Variants in UAP1 observed in about 807,000 individuals in gnomAD.
UAP1 encodes UDP-N-acetylglucosamine pyrophosphorylase 1, also known as UDP-N-acetylhexosamine pyrophosphorylase.
A neutral mutation model predicts 58.5 loss-of-function variants in UAP1; 25 were observed. The observed-to-expected ratio is 0.43, with a 90% confidence interval of 0.31 to 0.60. UAP1 has a LOEUF of 0.60. UAP1 is among the 20% of genes least tolerant of loss of function. The pLI, the probability that UAP1 is intolerant of heterozygous loss-of-function variation, is 0.11. For synonymous variants in UAP1, 208 were observed against 213.0 expected (o/e 0.98, Z 0.21); for missense variants, 575 against 630.0 (o/e 0.91, Z 0.93).
intron 2 of UAP1, among the ~76,000 whole-genome samples, chr1:162,572,828 G>C (rs1653950038): frequency 6.6e-6 from 1 of 152,148 alleles, no homozygotes; most frequent in Non-Finnish European, 1.5e-5. Flanking sequence ...ATAGGGTGCT[G>C]TTTCATATCT....
At chr1:162,575,616 GA>G (rs1310713592) in intron 2 of UAP1, among the ~76,000 whole-genome samples, 1 of 152,054 alleles carries the variant, frequency 6.6e-6, no homozygotes, top group Admixed American at 6.6e-5. Flanking sequence ...ATTTTTAGTA[GA>G]GATGGAGTTT....
chr1:162,567,141 A>G (rs1334528362), intron 2 of UAP1, among the ~76,000 whole-genome samples: 1 of 152,212 alleles, frequency 6.6e-6, no homozygotes, highest in African/African-American at 2.4e-5. Context: ...TGTGCAGTGC[A>G]GTAGTTCTGC....
At chr1:162,563,467 C>T (rs1653295435) in intron 1 of UAP1, among the ~76,000 whole-genome samples, 2 of 152,022 alleles carry the variant, frequency 1.3e-5, no homozygotes, top group Non-Finnish European at 2.9e-5. Flanking sequence ...CCGGTTCAGG[C>T]GATTCTCCTG....
chr1:162,565,443 G>T lies in UAP1; in HGVS notation c.-57-569G>T, dbSNP rs534652043. Among the ~76,000 whole-genome samples, 3 of 152,268 alleles carry T rather than the reference G, an allele frequency of 2.0e-5. No individual in the cohort carries two copies. The South Asian group carries it at 6.2e-4, about 32-fold the overall frequency. On this transcript the variant is annotated intron_variant, in intron 1 of 10. Coordinates refer to ENST00000271469, the Ensembl canonical transcript of UAP1. The stretch of plus-strand genomic sequence containing the variant: ...GAGTAGAGAAAATAGATGTGTTATT[G>T]CTTCTTTGCAGAAGTTGCTAATGAA...
chr1:162,598,144 A>G (rs1435136517), intron 10 of UAP1, among the ~76,000 whole-genome samples: 1 of 152,110 alleles, frequency 6.6e-6, no homozygotes, highest in Non-Finnish European at 1.5e-5. Context: ...AGGCAAGAGG[A>G]TTGCTTGAGC....
At chr1:162,595,032 G>A (rs898288470) in intron 9 of UAP1, among the ~76,000 whole-genome samples, 11 of 152,194 alleles carry the variant, frequency 7.2e-5, no homozygotes, top group Admixed American at 2.0e-4. Context: ...ACCATGCTGA[G>A]TTTTGACTCG....
At chr1:162,571,120 A>AT (rs969292749) in intron 2 of UAP1, among the ~76,000 whole-genome samples, 3 of 95,792 alleles carry the variant, frequency 3.1e-5, no homozygotes, top group Non-Finnish European at 4.3e-5. Context: ...CTAACTTCTG[A>AT]TTTTTTTGTT....
chr1:162,576,665 C>G, intron 2 of UAP1, 112 bp from the exon 3 acceptor site: 1 of 1,005,638 alleles, frequency 9.9e-7, no homozygotes, highest in Non-Finnish European at 1.5e-6. Context: ...CAGGACAAGA[C>G]AGCTGTATAG....
chr1:162,578,909 A>G (rs1654377672), intron 3 of UAP1, among the ~76,000 whole-genome samples: 1 of 152,196 alleles, frequency 6.6e-6, no homozygotes, highest in South Asian at 2.1e-4. Flanking sequence ...TAGTTTTAGA[A>G]ATAATTTTTT....
In UAP1 at chr1:162,569,231, A is replaced by G. The variant is rs547940951; in HGVS notation, c.280+2883A>G. Among the ~76,000 whole-genome samples the G allele has an allele frequency of 5.3e-5, 8 of 152,336 alleles. 2 individuals carry two copies. Among genetic ancestry groups the G allele is most frequent in the Admixed American group, 5.2e-4 (8 of 15,302 alleles). ...TTCAGGTAGTAGGAAGATCCTGGTA[A>G]TTGTATCAGGGACAGTTTTTACTTC... On this transcript the variant is annotated intron_variant, in intron 2 of 10. Transcript: ENST00000271469.
intron 5 of UAP1, among the ~76,000 whole-genome samples, chr1:162,585,745 G>C (rs1414401901): frequency 6.6e-6 from 1 of 150,984 alleles, no homozygotes; most frequent in Non-Finnish European, 1.5e-5. Context: ...TTGGGAGTAG[G>C]AGTATATAGT....
At chr1:162,566,737 C>T (rs1451187389) in intron 2 of UAP1, among the ~76,000 whole-genome samples, 4 of 152,086 alleles carry the variant, frequency 2.6e-5, no homozygotes, top group Non-Finnish European at 5.9e-5. Flanking sequence ...AGTGATTCTC[C>T]TGCCTCAGCC....
At chr1:162,566,486 CTT>C in intron 2 of UAP1, 138 bp downstream of exon 2, 1 of 913,866 alleles carries the variant, frequency 1.1e-6, no homozygotes, top group Admixed American at 3.2e-5. Context: ...ACAAAATTGT[CTT>C]TTTATTTTTG....
At chr1:162,590,104 A>C (rs1457046889) in intron 7 of UAP1, among the ~76,000 whole-genome samples, 1 of 151,008 alleles carries the variant, frequency 6.6e-6, no homozygotes, top group Non-Finnish European at 1.5e-5. Flanking sequence ...CCGACTTAAG[A>C]TGAACTGTTC....
chr1:162,577,020 T>C (rs1325762318), intron 3 of UAP1, 39 bp downstream of exon 3: 7 of 1,579,058 alleles, frequency 4.4e-6, no homozygotes, highest in African/African-American at 2.7e-5. Context: ...TCTGAACATA[T>C]ATTGTTTTAT....
chr1:162,581,274 T>A lies in UAP1; in HGVS notation c.662-13T>A. 1 of 1,606,208 alleles carries A rather than the reference T, an allele frequency of 6.2e-7. No homozygotes were observed. Among genetic ancestry groups the A allele is most frequent in the Non-Finnish European group, 8.5e-7 (1 of 1,175,062 alleles). On this transcript the variant is annotated splice_polypyrimidine_tract_variant and intron_variant, in intron 4 of 10. Coordinates refer to ENST00000271469, the Ensembl canonical transcript of UAP1. ...ATTTTGATATGCTACTAATGGGCTA[T>A]TTTGTTTTCCAGATGGGAATGGTGG...
chr1:162,596,680 G>C (rs1323548277), intron 9 of UAP1, among the ~76,000 whole-genome samples: 3 of 152,184 alleles, frequency 2.0e-5, no homozygotes, highest in Non-Finnish European at 4.4e-5. Context: ...AAGTAGGATA[G>C]AGAGTGCTTT....
chr1:162,568,728 C>T (rs1653679492), intron 2 of UAP1, among the ~76,000 whole-genome samples: 1 of 152,138 alleles, frequency 6.6e-6, no homozygotes, highest in Non-Finnish European at 1.5e-5. Flanking sequence ...TATTCCAAAC[C>T]AAAAGCCACA....
At chr1:162,564,914 C>T (rs559763014) in intron 1 of UAP1, among the ~76,000 whole-genome samples, 2 of 152,082 alleles carry the variant, frequency 1.3e-5, no homozygotes, top group African/African-American at 4.8e-5. Context: ...TTTCCTGTTG[C>T]TGAGGCTGGA....
Sources: allele counts gnomAD v4.1 joint callset (sites outside exome capture counted in the v4.1 genomes callset), GRCh38; gene constraint gnomAD v4.1.1; transcripts MANE v1.5; gene names NCBI Gene and HGNC (gene_info 2026-07-23, HGNC 2026-07-21).